PDE4D: variants seen among roughly 807,000 people sequenced by gnomAD.
The protein encoded by PDE4D is phosphodiesterase 4D.
Under a neutral mutation model 87.4 loss-of-function variants are expected in PDE4D, and 24 were observed. The ratio of observed to expected loss-of-function variants is 0.27; its 90% CI spans 0.20 to 0.39. The LOEUF (loss-of-function observed/expected upper bound fraction) is 0.39. Among genes scored for constraint, PDE4D ranks in the 10% least tolerant of loss-of-function variants. The pLI is 1.00. For synonymous variants in PDE4D, 384 were observed against 383.2 expected (o/e 1.00, Z -0.02); for missense variants, 714 against 1,041.0 (o/e 0.69, Z 4.32).
At chr5:59,230,545 A>C (rs894714181) in intron 1 of PDE4D, among the ~76,000 whole-genome samples, 1 of 152,246 alleles carries the variant, frequency 6.6e-6, no homozygotes, top group African/African-American at 2.4e-5. Flanking sequence ...TAGCCTTAAA[A>C]TATTATGTGT....
At chr5:59,356,924 G>C in intron 1 of PDE4D, 1 of 1,440,644 alleles carries the variant, frequency 6.9e-7, no homozygotes, top group Admixed American at 3.2e-5. Flanking sequence ...CTGAGGCCCC[G>C]CACGGAGCAG....
chr5:60,018,447 C>G (rs1484565763), intron 2 of PDE4D, among the ~76,000 whole-genome samples: 8 of 152,118 alleles, frequency 5.3e-5, no homozygotes, highest in African/African-American at 1.7e-4. Context: ...TGCAAAATAA[C>G]CAGCTAGCAT....
At chr5:60,463,461 C>T (rs139859795) in intron 1 of PDE4D, among the ~76,000 whole-genome samples, 1 of 152,244 alleles carries the variant, frequency 6.6e-6, no homozygotes, top group African/African-American at 2.4e-5. Context: ...TAAACATGAC[C>T]ACACATCACA....
intron 1 of PDE4D, chr5:59,356,982 C>T (rs1310731313): frequency 1.7e-5 from 19 of 1,090,452 alleles, no homozygotes; most frequent in Admixed American, 4.1e-5. Flanking sequence ...CAGTGGTATG[C>T]GCTGACAGAG....
intron 1 of PDE4D, among the ~76,000 whole-genome samples, chr5:59,653,930 G>T (rs1471362047): frequency 6.6e-6 from 1 of 151,586 alleles, no homozygotes; most frequent in Admixed American, 6.6e-5. Flanking sequence ...GGGAGGCCAG[G>T]TGTGGTGGCT....
At chr5:59,303,694 G>A (rs1008566073) in intron 1 of PDE4D, among the ~76,000 whole-genome samples, 2 of 151,972 alleles carry the variant, frequency 1.3e-5, no homozygotes, top group African/African-American at 4.8e-5. Context: ...AAGATCAGTT[G>A]GCTGTAAGTA....
At chr5:59,674,491 A>G (rs528771688) in intron 1 of PDE4D, among the ~76,000 whole-genome samples, 171 of 152,314 alleles carry the variant, frequency 1.1e-3, no homozygotes, top group African/African-American at 4.0e-3. Flanking sequence ...TTTAGAGTCT[A>G]TCTACCACAG....
chr5:59,979,820 C>T (rs956912373), intron 3 of PDE4D, among the ~76,000 whole-genome samples: 6 of 151,790 alleles, frequency 4.0e-5, no homozygotes, highest in African/African-American at 7.3e-5. Flanking sequence ...ATTCTAAGTA[C>T]CTAGAATTTT....
chr5:59,227,618 C>T (rs887786721), intron 1 of PDE4D, among the ~76,000 whole-genome samples: 1 of 152,096 alleles, frequency 6.6e-6, no homozygotes, highest in African/African-American at 2.4e-5. Context: ...AGAAGGCATA[C>T]ATATGGCCAA....
At chr5:59,894,022 C>T (rs920599254), upstream of PDE4D, among the ~76,000 whole-genome samples, 2 of 152,298 alleles carry the variant, frequency 1.3e-5, no homozygotes, top group Non-Finnish European at 2.9e-5. Flanking sequence ...GCAACGGCGG[C>T]GGCGGCAGTG....
At chr5:59,925,180 A>AAAAAAAAAAAG (rs1347981665) in intron 3 of PDE4D, among the ~76,000 whole-genome samples, 30 of 151,388 alleles carry the variant, frequency 2.0e-4, no homozygotes, top group South Asian at 6.2e-4. Flanking sequence ...ATCTCAAAAA[A>AAAAAAAAAAAG]AAAAGAAACA....
intron 1 of PDE4D, among the ~76,000 whole-genome samples, chr5:59,632,390 C>T (rs894194616): frequency 4.6e-5 from 7 of 152,228 alleles, no homozygotes; most frequent in African/African-American, 1.7e-4. Context: ...CCCTTAAGCT[C>T]TGCTAAGGAA....
At chr5:59,986,571 G>A (rs1201916289) in intron 3 of PDE4D, 1 of 152,164 alleles carries the variant, frequency 6.6e-6, no homozygotes, top group African/African-American at 2.4e-5. Flanking sequence ...CAAGTGTGAA[G>A]AAAGTAAGAT....
intron 1 of PDE4D, among the ~76,000 whole-genome samples, chr5:59,534,407 T>C (rs1454797088): frequency 3.9e-5 from 6 of 152,150 alleles, no homozygotes; most frequent in Non-Finnish European, 8.8e-5. Context: ...TGCATTCCAA[T>C]TGTTATAATA....
At chr5:59,835,293 A>ACTCATCTT (rs1741850389) in intron 1 of PDE4D, among the ~76,000 whole-genome samples, 1 of 151,954 alleles carries the variant, frequency 6.6e-6, no homozygotes, top group Non-Finnish European at 1.5e-5. Context: ...CTCCAGGTAG[A>ACTCATCTT]CTCATCTTCT....
chr5:59,569,465 CAAAA>C (rs1821466626), intron 1 of PDE4D, among the ~76,000 whole-genome samples: 1 of 152,072 alleles, frequency 6.6e-6, no homozygotes, highest in Admixed American at 6.5e-5. Flanking sequence ...TTACACCAAA[CAAAA>C]AAGAGAAAAA....
At chr5:59,179,153 C>A (rs1186395967) in intron 5 of PDE4D, among the ~76,000 whole-genome samples, 2 of 152,210 alleles carry the variant, frequency 1.3e-5, no homozygotes, top group Admixed American at 6.5e-5. Context: ...GTTGCCCAGG[C>A]TGGAGTGCAG....
Position 59,893,186 on chromosome 5 carries a change from G to C in PDE4D, c.437C>G (p.Ser146Trp), listed in dbSNP as rs766711112. The change falls in exon 1 of 15, where the codon TCG becomes TGG. Residue 146 changes from serine (S) to tryptophan (W), a missense_variant. Ser to Trp is a radical substitution (Grantham distance 177). Around this residue, in one of 7 missense-constraint regions of PDE4D, gnomAD observed 268 missense variants for 272.9 expected, o/e 0.98. Transcript: ENST00000340635. ...LKKSRMSWPS[S>W]FQGLRRFDVD... ...CACTCACCGCCTGAGTCCCTGGAACGAGGAGGGCCAGGACATCCTGGATTT... is the reference window on the plus strand; with the variant it reads ...CACTCACCGCCTGAGTCCCTGGAACCAGGAGGGCCAGGACATCCTGGATTT... 16 of 1,564,906 alleles carry C rather than the reference G, an allele frequency of 1.0e-5. No individual in the cohort carries two copies. The highest frequency in any genetic ancestry group is 2.4e-5 in the East Asian group (1 of 42,092).
At chr5:59,521,409 G>A (rs1482981975) in intron 1 of PDE4D, among the ~76,000 whole-genome samples, 1 of 152,146 alleles carries the variant, frequency 6.6e-6, no homozygotes, top group Non-Finnish European at 1.5e-5. Context: ...TTGTATGGAA[G>A]GGAGACAAAG....
Sources: allele counts gnomAD v4.1 joint callset (sites outside exome capture counted in the v4.1 genomes callset), GRCh38; gene constraint gnomAD v4.1.1; regional missense constraint gnomAD v4.1.1; transcripts MANE v1.5; gene names NCBI Gene and HGNC (gene_info 2026-07-23, HGNC 2026-07-21).